The following XRCC6 variants were observed in gnomAD, a reference collection of about 807,000 sequenced individuals.
XRCC6 encodes X-ray repair cross complementing 6.
XRCC6 carries 5 observed loss-of-function variants against 65.7 expected under a neutral mutation model. That is an observed-to-expected ratio of 0.08 (90% CI 0.04 to 0.16). The LOEUF is 0.16. Among genes scored for constraint, XRCC6 ranks in the 10% least tolerant of loss-of-function variants. The pLI is 1.00. For missense variants in XRCC6, 447 were observed against 738.1 expected, an observed-to-expected ratio of 0.61 and a Z score of 4.57; for synonymous variants, 270 against 270.6, an observed-to-expected ratio of 1.00 and a Z score of 0.02.
chr22:41,641,499 A>T (rs1361565359), intron 6 of XRCC6, among the ~76,000 whole-genome samples: 3 of 152,062 alleles, frequency 2.0e-5, no homozygotes, highest in Non-Finnish European at 4.4e-5. Flanking sequence ...TTTAAAATGT[A>T]CTGTTATTAT....
At chr22:41,649,156 A>ATG (rs1223763978) in intron 7 of XRCC6, among the ~76,000 whole-genome samples, 15 of 129,384 alleles carry the variant, frequency 1.2e-4, no homozygotes, top group African/African-American at 3.5e-4. Context: ...ATATATATAT[A>ATG]TATATATGTA....
At chr22:41,631,626 C>T (rs1411435114) in intron 3 of XRCC6, among the ~76,000 whole-genome samples, 3 of 129,202 alleles carry the variant, frequency 2.3e-5, no homozygotes, top group African/African-American at 6.4e-5. Context: ...TGGGCAGAGA[C>T]GCTCCTCACT....
intron 10 of XRCC6, among the ~76,000 whole-genome samples, chr22:41,657,530 T>C (rs1268179862): frequency 1.4e-5 from 2 of 146,550 alleles, no homozygotes; most frequent in African/African-American, 5.0e-5. Context: ...ATTATTATTA[T>C]TATTATTTTG....
At chr22:41,624,915 T>G (rs2067652932) in intron 2 of XRCC6, among the ~76,000 whole-genome samples, 1 of 151,288 alleles carries the variant, frequency 6.6e-6, no homozygotes, top group Non-Finnish European at 1.5e-5. Context: ...GAGAATGGCG[T>G]GAACCCGGGA....
chr22:41,663,578 G>C, intron 12 of XRCC6, 44 bp from the exon 13 acceptor site: 1 of 1,575,298 alleles, frequency 6.3e-7, no homozygotes, highest in Non-Finnish European at 8.7e-7. Context: ...GATGCCACTT[G>C]TATGTAGCAT....
chr22:41,634,261 C>G (rs964268944), intron 3 of XRCC6, among the ~76,000 whole-genome samples: 1 of 151,844 alleles, frequency 6.6e-6, no homozygotes, highest in African/African-American at 2.4e-5. Context: ...TCTCTGCCCA[C>G]TGCAGCCTTG....
intron 8 of XRCC6, among the ~76,000 whole-genome samples, chr22:41,652,115 T>C (rs1234140559): frequency 6.6e-6 from 1 of 152,100 alleles, no homozygotes; most frequent in African/African-American, 2.4e-5. Context: ...CAATTTCCCA[T>C]GTAATTCTTT....
chr22:41,641,202 G>C (rs2067871588), intron 6 of XRCC6, among the ~76,000 whole-genome samples: 1 of 152,146 alleles, frequency 6.6e-6, no homozygotes, highest in South Asian at 2.1e-4. Context: ...TTATTTTGTG[G>C]AACAGTCATT....
chr22:41,628,494 CAG>C (rs1381201880), intron 3 of XRCC6, among the ~76,000 whole-genome samples: 3 of 151,884 alleles, frequency 2.0e-5, no homozygotes, highest in East Asian at 3.9e-4. Flanking sequence ...GGAGGTCAAA[CAG>C]AAAAAAGAAG....
At chr22:41,640,071 C>A (rs1437126160) in intron 6 of XRCC6, among the ~76,000 whole-genome samples, 2 of 152,070 alleles carry the variant, frequency 1.3e-5, no homozygotes, top group Admixed American at 1.3e-4. Flanking sequence ...TCACTCTTGC[C>A]CAGGCTGGAG....
At chr22:41,652,365 CTTTT>C (rs754721375) in intron 8 of XRCC6, among the ~76,000 whole-genome samples, 1 of 140,656 alleles carries the variant, frequency 7.1e-6, no homozygotes, top group East Asian at 2.0e-4. Context: ...TAATAATTTG[CTTTT>C]TTTTTTTTTT....
intron 6 of XRCC6, among the ~76,000 whole-genome samples, chr22:41,644,810 G>A (rs1324746499): frequency 1.3e-5 from 2 of 152,042 alleles, no homozygotes; most frequent in African/African-American, 4.8e-5. Flanking sequence ...TTTTCAAGAG[G>A]TCCTGTTGCT....
chr22:41,645,545 C>G (rs541864611), intron 6 of XRCC6, among the ~76,000 whole-genome samples: 1 of 152,176 alleles, frequency 6.6e-6, no homozygotes, highest in African/African-American at 2.4e-5. Flanking sequence ...ATATGCCCAC[C>G]ACTTGGCCAG....
chr22:41,655,669 A>G (rs2068037845), intron 9 of XRCC6, among the ~76,000 whole-genome samples: 1 of 151,596 alleles, frequency 6.6e-6, no homozygotes, highest in Non-Finnish European at 1.5e-5. Flanking sequence ...ACTGCACTCC[A>G]GCCTGGGTGA....
At chr22:41,650,254 A>G (rs2067982539) in intron 7 of XRCC6, among the ~76,000 whole-genome samples, 1 of 151,710 alleles carries the variant, frequency 6.6e-6, no homozygotes, top group Non-Finnish European at 1.5e-5. Context: ...ACAGGTGTGT[A>G]CCACTATACC....
intron 8 of XRCC6, among the ~76,000 whole-genome samples, chr22:41,652,937 G>C (rs541864264): frequency 6.6e-6 from 1 of 151,862 alleles, no homozygotes; most frequent in East Asian, 1.9e-4. Flanking sequence ...CTCCCAAAGT[G>C]CTGGGATTAC....
At chr22:41,658,399 C>T (rs2068065577) in intron 11 of XRCC6, 47 bp downstream of exon 11, 11 of 1,564,874 alleles carry the variant, frequency 7.0e-6, no homozygotes, top group Non-Finnish European at 7.9e-6. Flanking sequence ...GGCTTTCTTA[C>T]TGGTTCCACT....
At chr22:41,651,361 A>ATTTTTTTTTTTTTTTTTTTTTTTT (rs764795746) in intron 8 of XRCC6, among the ~76,000 whole-genome samples, 1 of 49,676 alleles carries the variant, frequency 2.0e-5, no homozygotes, top group African/African-American at 6.2e-5. Context: ...AGTTAAACAG[A>ATTTTTTTTTTTTTTTTTTTTTTTT]TTTTTTTTTT....
At chr22:41,653,474 GAAGA>G (rs912130465) in intron 8 of XRCC6, 51 bp from the exon 9 acceptor site, 101 of 1,504,958 alleles carry the variant, frequency 6.7e-5, no homozygotes, top group Non-Finnish European at 8.5e-5. Context: ...GGCTAAAAGA[GAAGA>G]AAGGAGGAAA....
Sources: allele counts gnomAD v4.1 joint callset (sites outside exome capture counted in the v4.1 genomes callset), GRCh38; gene constraint gnomAD v4.1.1; transcripts MANE v1.5; gene names NCBI Gene and HGNC (gene_info 2026-07-23, HGNC 2026-07-21).